Variants in CCN4 observed in about 807,000 individuals in gnomAD.
CCN4 encodes CCN family member 4.
Under a neutral mutation model 36.7 loss-of-function variants are expected in CCN4, and 30 were observed. The observed-to-expected ratio is 0.82, with a 90% confidence interval of 0.61 to 1.11. The LOEUF (loss-of-function observed/expected upper bound fraction) is 1.11, where lower values mean the gene tolerates loss of function less well. Among genes scored for constraint, CCN4 ranks in the 50% least tolerant of loss-of-function variants. The pLI, the probability that CCN4 is intolerant of heterozygous loss-of-function variation, is 0.00. For synonymous variants in CCN4, 191 were observed against 195.4 expected, an observed-to-expected ratio of 0.98 and a Z score of 0.19; for missense variants, 505 against 504.9, an observed-to-expected ratio of 1.00 and a Z score of 0.00.
chr8:133,198,152 A>T (rs1338112190), intron 1 of CCN4, among the ~76,000 whole-genome samples: 2 of 152,196 alleles, frequency 1.3e-5, no homozygotes, highest in Non-Finnish European at 1.5e-5. Flanking sequence ...GAGTCCACTC[A>T]TTCATTCATC....
Position 133,230,086 on chromosome 8 carries a change from G to A in CCN4, c.*2376G>A, listed in dbSNP as rs1217354080. 6.6e-6 allele frequency: 1 copy of A among 152,264 alleles called. No individual in the cohort carries two copies. Among genetic ancestry groups the A allele is most frequent in the Non-Finnish European group, 1.5e-5 (1 of 68,056 alleles). 9.4% of individuals were successfully genotyped at this position (152,264 alleles called of 1,614,324 possible). ...TGAACTTAGCTTTCAAAGATCATAG[G>A]AAGTCTGGTTGGAGAAACTAGGGAT... On this transcript the variant is annotated 3_prime_UTR_variant, in exon 5 of 5. Transcript: ENST00000250160.
intron 1 of CCN4, among the ~76,000 whole-genome samples, chr8:133,191,666 T>C (rs538167915): frequency 6.6e-6 from 1 of 152,242 alleles, no homozygotes; most frequent in South Asian, 2.1e-4. Context: ...GCATTGGAGA[T>C]GCTGCGAAGA....
intron 1 of CCN4, among the ~76,000 whole-genome samples, chr8:133,202,590 A>G (rs1186168316): frequency 6.6e-6 from 1 of 152,218 alleles, no homozygotes; most frequent in Non-Finnish European, 1.5e-5. Context: ...CAATTAGTAG[A>G]AAATCTCGAA....
intron 1 of CCN4, 131 bp downstream of exon 1, chr8:133,191,344 G>T: frequency 9.1e-7 from 1 of 1,099,768 alleles, no homozygotes; most frequent in Non-Finnish European, 1.3e-6. Context: ...CACTTACAGG[G>T]CAAGGACAGA....
At position 133,225,471 on chromosome 8, in the gene CCN4, G is replaced by A; in HGVS notation, c.692G>A (p.Gly231Asp). ...SPWSPCSTSC[G>D]LGVSTRISNV... ...TGGAGCCCTTGCTCCACCAGCTGCG[G>A]CCTGGGGGTCTCCACTCGGATCTCC... is the stretch of plus-strand genomic sequence containing the variant. Residue 231 changes from glycine (G) to aspartate (D), a missense_variant, in exon 4 of 5, where the codon GGC (glycine) becomes GAC (aspartate). Coordinates refer to ENST00000250160, the MANE Select transcript of CCN4 (RefSeq NM_003882.4). 6.2e-7 allele frequency: 1 copy of A among 1,614,104 alleles called. No individual in the cohort carries two copies. Among genetic ancestry groups the A allele is most frequent in the Non-Finnish European group, 8.5e-7 (1 of 1,179,996 alleles).
At chr8:133,213,561 A>G (rs948471584) in intron 2 of CCN4, among the ~76,000 whole-genome samples, 5 of 152,046 alleles carry the variant, frequency 3.3e-5, no homozygotes, top group African/African-American at 7.2e-5. Flanking sequence ...TTAAAAATCC[A>G]GTAGCCTTGA....
intron 2 of CCN4, among the ~76,000 whole-genome samples, chr8:133,216,701 T>C (rs186516400): frequency 1.7e-3 from 259 of 152,258 alleles, no homozygotes; most frequent in Middle Eastern, 0.01. Context: ...TGTGGTTTGG[T>C]GGAAGGATTA....
At chr8:133,225,361 T>A (rs754937622) in intron 3 of CCN4, 29 bp from the exon 4 acceptor site, 88 of 1,551,742 alleles carry the variant, frequency 5.7e-5, no homozygotes, top group South Asian at 4.9e-4. Context: ...GAGCTGTAGA[T>A]TCATGCAGAT....
chr8:133,218,259 A>G (rs976241413), intron 2 of CCN4, among the ~76,000 whole-genome samples: 3 of 152,288 alleles, frequency 2.0e-5, no homozygotes, highest in Non-Finnish European at 4.4e-5. Flanking sequence ...GAATGAGATA[A>G]TGTATCAGAT....
At chr8:133,201,961 C>T (rs7005834) in intron 1 of CCN4, among the ~76,000 whole-genome samples, 36,478 of 152,012 alleles carry the variant, frequency 0.24, 4,786 homozygotes, top group Middle Eastern at 0.33. Context: ...ATGTAGGGTT[C>T]GTTATATTAT....
chr8:133,203,300 G>T (rs1450677816), intron 1 of CCN4, among the ~76,000 whole-genome samples: 1 of 152,204 alleles, frequency 6.6e-6, no homozygotes, highest in Non-Finnish European at 1.5e-5. Context: ...TCTTCCCAGG[G>T]GGTGAGGACC....
At position 133,229,019 on chromosome 8, in the gene CCN4, A is replaced by G. The variant is rs1264741247; in HGVS notation, c.*1309A>G. 3 of 152,248 alleles carry G rather than the reference A, an allele frequency of 2.0e-5. No individual in the cohort carries two copies. Among genetic ancestry groups the G allele is most frequent in the African/African-American group, 7.2e-5 (3 of 41,470 alleles). 9.4% of individuals were successfully genotyped at this position (152,248 alleles called of 1,614,324 possible). On this transcript the variant is annotated 3_prime_UTR_variant, in exon 5 of 5. Coordinates refer to ENST00000250160, the MANE Select transcript of CCN4 (RefSeq NM_003882.4). ...ATTGTATTAGGAAAATATAATATTTACTGTTAGAATTCTTTTATTTAGGGC... is the reference window on the plus strand; with the variant it reads ...ATTGTATTAGGAAAATATAATATTTGCTGTTAGAATTCTTTTATTTAGGGC...
intron 1 of CCN4, among the ~76,000 whole-genome samples, chr8:133,200,485 C>T (rs994367635): frequency 2.0e-5 from 3 of 152,214 alleles, no homozygotes; most frequent in Admixed American, 6.5e-5. Context: ...TGGCCCCCTC[C>T]GTGGTCTCCC....
intron 1 of CCN4, among the ~76,000 whole-genome samples, chr8:133,196,752 A>T (rs1564250239): frequency 6.6e-6 from 1 of 152,212 alleles, no homozygotes; most frequent in Non-Finnish European, 1.5e-5. Context: ...AATGAAGCAG[A>T]GACAAAGCCC....
At chr8:133,191,718 C>A (rs1853119637) in intron 1 of CCN4, among the ~76,000 whole-genome samples, 1 of 152,210 alleles carries the variant, frequency 6.6e-6, no homozygotes, top group South Asian at 2.1e-4. Context: ...AAGAAAAATG[C>A]CAGCTTTCAA....
intron 2 of CCN4, among the ~76,000 whole-genome samples, chr8:133,215,984 TACACAC>T (rs35957025): frequency 4.7e-5 from 7 of 149,462 alleles, no homozygotes; most frequent in East Asian, 3.9e-4. Flanking sequence ...CCCATTACAC[TACACAC>T]ACACACACAC....
At chr8:133,195,551 T>C (rs1362077494) in intron 1 of CCN4, among the ~76,000 whole-genome samples, 2 of 152,088 alleles carry the variant, frequency 1.3e-5, no homozygotes, top group Admixed American at 6.5e-5. Context: ...AGAGCCTCTT[T>C]GGGCTCCCTG....
chr8:133,217,443 C>G (rs1048657964), intron 2 of CCN4, among the ~76,000 whole-genome samples: 22 of 152,210 alleles, frequency 1.4e-4, no homozygotes, highest in Non-Finnish European at 4.4e-5. Context: ...ACTTGCAGAT[C>G]TGAGATTAGA....
intron 1 of CCN4, among the ~76,000 whole-genome samples, chr8:133,206,908 G>A (rs533662704): frequency 1.8e-4 from 27 of 152,298 alleles, no homozygotes; most frequent in Admixed American, 1.4e-3. Context: ...ATATGCCACC[G>A]GCCCAGGAGG....
Sources: gnomAD v4.1 joint callset for allele counts (sites outside exome capture counted in the v4.1 genomes callset) on GRCh38, gnomAD v4.1.1 for gene constraint, MANE v1.5 for transcripts, NCBI Gene and HGNC (gene_info 2026-07-23, HGNC 2026-07-21) for gene names.